Variants in DPP6 observed in about 807,000 individuals in gnomAD.
The protein encoded by DPP6 is A-type potassium channel modulatory protein DPP6.
In DPP6, 69 loss-of-function variants were observed where a neutral mutation model predicts 122.6. That is an observed-to-expected ratio of 0.56 (90% CI 0.46 to 0.69). The LOEUF is 0.69. DPP6 is among the 30% of genes least tolerant of loss of function. The pLI is 0.00. For synonymous variants in DPP6, 418 were observed against 433.1 expected, an observed-to-expected ratio of 0.97 and a Z score of 0.43; for missense variants, 928 against 1,116.9, an observed-to-expected ratio of 0.83 and a Z score of 2.41.
intron 8 of DPP6, among the ~76,000 whole-genome samples, chr7:154,733,784 T>C (rs1842450466): frequency 6.6e-6 from 1 of 152,200 alleles, no homozygotes; most frequent in Non-Finnish European, 1.5e-5. Context: ...AGGGGGCACA[T>C]TCACCAAAAG....
chr7:154,536,938 A>G (rs11971700), intron 3 of DPP6, among the ~76,000 whole-genome samples: 14,700 of 152,224 alleles, frequency 0.097, 708 homozygotes, highest in Middle Eastern at 0.12. Flanking sequence ...TTCCCAGTGA[A>G]TTAAGGCTTT....
At chr7:154,275,184 A>C (rs1000586164) in intron 1 of DPP6, among the ~76,000 whole-genome samples, 4 of 152,208 alleles carry the variant, frequency 2.6e-5, no homozygotes, top group African/African-American at 9.6e-5. Context: ...GGACTGCCAG[A>C]TGTGGGGAAA....
chr7:154,011,471 C>CA lies in DPP6; in HGVS notation c.51+123743dup, dbSNP rs1263335463. Among the ~76,000 whole-genome samples the CA allele has an allele frequency of 2.0e-5, 3 of 152,072 alleles. 1 individual carries two copies. The highest frequency in any genetic ancestry group is 4.4e-5 in the Non-Finnish European group (3 of 68,012). Reference sequence around the variant, plus strand: ...TCTATGCTTTTCTCAATAGGGAGTACAAAAAATTCATCATTTTAAAGTGGG... The same window carrying CA: ...TCTATGCTTTTCTCAATAGGGAGTACAAAAAAATTCATCATTTTAAAGTGGG... On this transcript the variant is annotated intron_variant, in intron 1 of 25. Coordinates refer to the DPP6 transcript ENST00000404039.
chr7:154,726,267 T>G (rs562816311), intron 7 of DPP6, among the ~76,000 whole-genome samples: 1 of 152,162 alleles, frequency 6.6e-6, no homozygotes, highest in Admixed American at 6.5e-5. Context: ...ACATTTCCCC[T>G]CTGCACTGCC....
In DPP6 at chr7:154,028,763, G is replaced by A. The variant is rs181462297; in HGVS notation, c.51+141029G>A. Among the ~76,000 whole-genome samples the A allele has an allele frequency of 6.3e-3, 949 of 151,284 alleles. 15 individuals carry two copies. The highest frequency in any genetic ancestry group is 0.022 in the African/African-American group (884 of 40,656). On this transcript the variant is annotated intron_variant, in intron 1 of 25. Transcript: ENST00000404039. ...GATCTTTCACTTCTGCCCACTCCATGCTATGGCCTTCTCTGTCTCTTCCCT... is the reference window on the plus strand; with the variant it reads ...GATCTTTCACTTCTGCCCACTCCATACTATGGCCTTCTCTGTCTCTTCCCT...
At chr7:154,573,345 A>G (rs62477172) in intron 5 of DPP6, among the ~76,000 whole-genome samples, 74,736 of 152,014 alleles carry the variant, frequency 0.49, 19,709 homozygotes, top group East Asian at 0.95. Context: ...TTTCTACCAC[A>G]CCTGCCGCCC....
At chr7:154,329,484 A>T (rs939823566) in intron 1 of DPP6, among the ~76,000 whole-genome samples, 1 of 152,268 alleles carries the variant, frequency 6.6e-6, no homozygotes, top group African/African-American at 2.4e-5. Flanking sequence ...CCACAAGGAG[A>T]TACTATCTCA....
intron 1 of DPP6, among the ~76,000 whole-genome samples, chr7:154,215,398 A>G (rs937513485): frequency 2.0e-5 from 3 of 152,182 alleles, no homozygotes; most frequent in African/African-American, 7.2e-5. Context: ...GAGCCAAACC[A>G]TATCATGAGG....
At chr7:154,152,191 G>A (rs1450795107) in intron 1 of DPP6, among the ~76,000 whole-genome samples, 1 of 151,992 alleles carries the variant, frequency 6.6e-6, no homozygotes, top group Non-Finnish European at 1.5e-5. Flanking sequence ...CAGTGACAGA[G>A]AAAGCAGTGG....
At chr7:154,106,366 G>A (rs552775372) in intron 1 of DPP6, among the ~76,000 whole-genome samples, 3 of 118,416 alleles carry the variant, frequency 2.5e-5, no homozygotes, top group South Asian at 3.3e-4. Flanking sequence ...TCCTTGGTGC[G>A]TGTTTATAGA....
intron 3 of DPP6, among the ~76,000 whole-genome samples, chr7:154,480,246 G>A (rs115296859): frequency 8.5e-5 from 13 of 152,130 alleles, no homozygotes; most frequent in African/African-American, 1.9e-4. Context: ...TGCCTGGCTC[G>A]GCCTGGCTTC....
rs752561234 is a variant in DPP6 at position 154,270,997 on chromosome 7, GAT to G, written c.244-175215_244-175214del. On this transcript the variant is annotated intron_variant, in intron 1 of 25. Coordinates refer to ENST00000377770, the MANE Select transcript of DPP6 (RefSeq NM_130797.4). Reference sequence around the variant, plus strand: ...TGTTTATTAAGTTAAGTGACAAAGAGATACTGCAACAATAATAAGCTGTGATC... The same window carrying G: ...TGTTTATTAAGTTAAGTGACAAAGAGACTGCAACAATAATAAGCTGTGATC... Among the ~76,000 whole-genome samples, 6 of 152,294 alleles carry G rather than the reference GAT, an allele frequency of 3.9e-5. No individual in the cohort carries two copies. The East Asian group carries it at 9.6e-4, about 24-fold the overall frequency.
At chr7:154,049,676 C>T (rs1160688003), upstream of DPP6, among the ~76,000 whole-genome samples, 4 of 145,026 alleles carry the variant, frequency 2.8e-5, no homozygotes, top group Non-Finnish European at 6.1e-5. Flanking sequence ...CAACCTCCGC[C>T]TCCCGGGTTC....
intron 7 of DPP6, among the ~76,000 whole-genome samples, chr7:154,727,182 G>C (rs1397867579): frequency 6.6e-6 from 1 of 152,174 alleles, no homozygotes; most frequent in Non-Finnish European, 1.5e-5. Flanking sequence ...AGGTTTAATT[G>C]ACTCATGATT....
chr7:154,336,543 G>C (rs991196189), intron 1 of DPP6, among the ~76,000 whole-genome samples: 2 of 152,178 alleles, frequency 1.3e-5, no homozygotes, highest in Admixed American at 1.3e-4. Flanking sequence ...GGTATCACAG[G>C]ATTTGCCAGA....
the DPP6 span, among the ~76,000 whole-genome samples, chr7:153,846,687 C>CT: frequency 0.11 from 8,388 of 77,940 alleles, 1,140 homozygotes; most frequent in African/African-American, 0.26. Flanking sequence ...TGGCTTGGTT[C>CT]TTTTTTTTTT....
At chr7:154,555,765 T>C (rs1317616831) in intron 4 of DPP6, among the ~76,000 whole-genome samples, 1 of 151,838 alleles carries the variant, frequency 6.6e-6, no homozygotes, top group Non-Finnish European at 1.5e-5. Flanking sequence ...ATGGAGAAAA[T>C]ATTCCATTCA....
At chr7:154,493,886 A>G (rs562352027) in intron 3 of DPP6, among the ~76,000 whole-genome samples, 77 of 152,316 alleles carry the variant, frequency 5.1e-4, no homozygotes, top group Non-Finnish European at 9.0e-4. Flanking sequence ...TGTAGAAACT[A>G]TCCAATTTTA....
chr7:154,673,445 T>C (rs1838691678), intron 7 of DPP6, among the ~76,000 whole-genome samples: 1 of 152,188 alleles, frequency 6.6e-6, no homozygotes, highest in African/African-American at 2.4e-5. Flanking sequence ...TCTTACCTTT[T>C]AGAGTAAGTG....
Sources: allele counts gnomAD v4.1 joint callset (sites outside exome capture counted in the v4.1 genomes callset), GRCh38; gene constraint gnomAD v4.1.1; transcripts MANE v1.5; gene names NCBI Gene and HGNC (gene_info 2026-07-23, HGNC 2026-07-21).